CPA6: variants seen among roughly 807,000 people sequenced by gnomAD.
CPA6 encodes the protein carboxypeptidase A6.
Under a neutral mutation model 63.3 loss-of-function variants are expected in CPA6, and 58 were observed. The ratio of observed to expected loss-of-function variants is 0.92; its 90% CI spans 0.74 to 1.14. CPA6 has a LOEUF of 1.14. Among genes scored for constraint, CPA6 ranks in the 50% most tolerant of loss-of-function variants. The pLI, the probability that CPA6 is intolerant of heterozygous loss-of-function variation, is 0.00. For missense variants in CPA6, 565 were observed against 526.6 expected (o/e 1.07, Z -0.71); for synonymous variants, 185 against 179.0 (o/e 1.03, Z -0.27).
intron 5 of CPA6, among the ~76,000 whole-genome samples, chr8:67,508,864 C>T (rs1416478911): frequency 6.6e-6 from 1 of 152,066 alleles, no homozygotes; most frequent in Non-Finnish European, 1.5e-5. Context: ...AGTTAGTTCT[C>T]ATGTCGCTAT....
At chr8:67,707,179 C>T (rs915638916) in intron 1 of CPA6, among the ~76,000 whole-genome samples, 2 of 152,134 alleles carry the variant, frequency 1.3e-5, no homozygotes, top group Admixed American at 6.5e-5. Context: ...ATGCAGATTT[C>T]TGATAACTTT....
At chr8:67,619,676 C>T (rs1815036530) in intron 2 of CPA6, among the ~76,000 whole-genome samples, 1 of 152,144 alleles carries the variant, frequency 6.6e-6, no homozygotes, top group African/African-American at 2.4e-5. Context: ...TCTTGAATTC[C>T]AGCAGAATAG....
chr8:67,601,112 T>C (rs955149660), intron 2 of CPA6, among the ~76,000 whole-genome samples: 1 of 152,190 alleles, frequency 6.6e-6, no homozygotes, highest in Non-Finnish European at 1.5e-5. Context: ...ATTTGTAATA[T>C]CAGATGTCTT....
chr8:67,447,506 TACAC>T (rs56840320), intron 8 of CPA6, among the ~76,000 whole-genome samples: 21,120 of 142,474 alleles, frequency 0.15, 1,708 homozygotes, highest in South Asian at 0.22. Context: ...TATGTGTGTA[TACAC>T]ACACACACAC....
chr8:67,610,839 T>C (rs1328503656), intron 2 of CPA6, among the ~76,000 whole-genome samples: 1 of 152,172 alleles, frequency 6.6e-6, no homozygotes, highest in Non-Finnish European at 1.5e-5. Flanking sequence ...GGAACTCAAA[T>C]TGGAAAAGTC....
At chr8:67,691,734 G>A (rs1816818063) in intron 1 of CPA6, among the ~76,000 whole-genome samples, 1 of 152,082 alleles carries the variant, frequency 6.6e-6, no homozygotes, top group African/African-American at 2.4e-5. Flanking sequence ...TATATCTTAT[G>A]TTTTATCTAC....
intron 2 of CPA6, among the ~76,000 whole-genome samples, chr8:67,592,190 T>C (rs925640831): frequency 1.3e-5 from 2 of 152,260 alleles, no homozygotes; most frequent in Non-Finnish European, 2.9e-5. Flanking sequence ...GGATTACATT[T>C]ACTGATTTGC....
chr8:67,455,690 A>AAAAAAAAAAAAAAAG, intron 8 of CPA6, among the ~76,000 whole-genome samples: 1 of 150,338 alleles, frequency 6.7e-6, no homozygotes, highest in Non-Finnish European at 1.5e-5. Flanking sequence ...AAAAAAAAAA[A>AAAAAAAAAAAAAAAG]AAAGAAAATG....
intron 2 of CPA6, among the ~76,000 whole-genome samples, chr8:67,604,978 A>G (rs1294389863): frequency 1.3e-5 from 2 of 151,370 alleles, no homozygotes; most frequent in East Asian, 3.9e-4. Flanking sequence ...GGGTTTCACC[A>G]TGTTGGCCAG....
chr8:67,655,462 C>A (rs1215450623), intron 1 of CPA6, among the ~76,000 whole-genome samples: 1 of 152,126 alleles, frequency 6.6e-6, no homozygotes, highest in Non-Finnish European at 1.5e-5. Flanking sequence ...GGATGAGGAA[C>A]TATGTCCTTC....
chr8:67,501,511 A>G (rs906673548), intron 6 of CPA6, among the ~76,000 whole-genome samples: 1 of 152,178 alleles, frequency 6.6e-6, no homozygotes, highest in Non-Finnish European at 1.5e-5. Context: ...AATTGATAAA[A>G]TTATATAATT....
At chr8:67,728,470 C>A (rs1488898310) in intron 1 of CPA6, among the ~76,000 whole-genome samples, 1 of 152,096 alleles carries the variant, frequency 6.6e-6, no homozygotes. Flanking sequence ...ACAAAAGGGT[C>A]TATAATTTGC....
intron 2 of CPA6, among the ~76,000 whole-genome samples, chr8:67,529,506 A>G (rs780772190): frequency 6.6e-6 from 1 of 152,212 alleles, no homozygotes; most frequent in Non-Finnish European, 1.5e-5. Flanking sequence ...TAAATTCTCT[A>G]TGTTCCAACC....
chr8:67,453,283 C>A (rs6472301), intron 8 of CPA6, among the ~76,000 whole-genome samples: 12,822 of 152,026 alleles, frequency 0.084, 1,342 homozygotes, highest in African/African-American at 0.25. Flanking sequence ...AAAGGGATTT[C>A]ATAAATGGTT....
chr8:67,711,155 A>C (rs1212271065), intron 1 of CPA6, among the ~76,000 whole-genome samples: 2 of 152,224 alleles, frequency 1.3e-5, no homozygotes, highest in African/African-American at 2.4e-5. Context: ...CTGTAACACA[A>C]AGAAACTGCA....
chr8:67,483,408 T>C (rs1811400545), intron 8 of CPA6: 2 of 309,316 alleles, frequency 6.5e-6, no homozygotes, highest in South Asian at 3.4e-5. Flanking sequence ...GCAGCATCAG[T>C]GGTGCTTGTA....
At chr8:67,624,894 G>C (rs1450628322) in intron 1 of CPA6, among the ~76,000 whole-genome samples, 1 of 152,100 alleles carries the variant, frequency 6.6e-6, no homozygotes, top group African/African-American at 2.4e-5. Context: ...CCAGGGGTTT[G>C]GTCTAGGTCC....
chr8:67,583,041 G>A (rs1813817740), intron 2 of CPA6, among the ~76,000 whole-genome samples: 1 of 152,074 alleles, frequency 6.6e-6, no homozygotes. Flanking sequence ...TATCTGGGTG[G>A]CTTTATTATT....
chr8:67,453,945 T>G (rs1587443171), intron 8 of CPA6, among the ~76,000 whole-genome samples: 1 of 152,350 alleles, frequency 6.6e-6, no homozygotes, highest in African/African-American at 2.4e-5. Context: ...GCTGTTTGCC[T>G]GAGAAGCACA....
Sources: allele counts gnomAD v4.1 joint callset (sites outside exome capture counted in the v4.1 genomes callset), GRCh38; gene constraint gnomAD v4.1.1; transcripts MANE v1.5; gene names NCBI Gene and HGNC (gene_info 2026-07-23, HGNC 2026-07-21).